The following SYN3 variants were observed in gnomAD, a reference collection of about 807,000 sequenced individuals.
SYN3 encodes the protein synapsin III, also known as synapsin-3.
A neutral mutation model predicts 65.8 loss-of-function variants in SYN3; 35 were observed. That is an observed-to-expected ratio of 0.53 (90% CI 0.41 to 0.70). The LOEUF is 0.70. Among genes scored for constraint, SYN3 ranks in the 30% least tolerant of loss-of-function variants. The pLI, the probability that SYN3 is intolerant of heterozygous loss-of-function variation, is 0.00. For synonymous variants in SYN3, 270 were observed against 292.9 expected, an observed-to-expected ratio of 0.92 and a Z score of 0.80; for missense variants, 680 against 749.0, an observed-to-expected ratio of 0.91 and a Z score of 1.08.
intron 6 of SYN3, among the ~76,000 whole-genome samples, chr22:32,624,921 G>A (rs148234922): frequency 8.5e-5 from 13 of 152,288 alleles, no homozygotes; most frequent in Admixed American, 2.0e-4. Context: ...AGTCAAATAA[G>A]CTGGTGACTG....
chr22:32,558,597 C>T (rs552114936), intron 7 of SYN3, among the ~76,000 whole-genome samples: 41 of 152,362 alleles, frequency 2.7e-4, no homozygotes, highest in African/African-American at 8.2e-4. Context: ...TTCCCCTCAT[C>T]TGGGTCTTCT....
chr22:32,582,944 T>C (rs1436718889), intron 7 of SYN3, among the ~76,000 whole-genome samples: 1 of 152,036 alleles, frequency 6.6e-6, no homozygotes, highest in Non-Finnish European at 1.5e-5. Flanking sequence ...TTTCTAGGAG[T>C]GTCATGACGT....
intron 8 of SYN3, among the ~76,000 whole-genome samples, chr22:32,540,438 C>A (rs530254056): frequency 2.6e-5 from 4 of 152,332 alleles, no homozygotes; most frequent in African/African-American, 9.6e-5. Context: ...GAGCCCTGCA[C>A]ACAGTCAGTG....
intron 2 of SYN3, among the ~76,000 whole-genome samples, chr22:33,003,575 C>G (rs565160463): frequency 6.6e-6 from 1 of 152,294 alleles, no homozygotes; most frequent in South Asian, 2.1e-4. Context: ...ATCTGTGGAA[C>G]TTTGAACTTG....
intron 6 of SYN3, among the ~76,000 whole-genome samples, chr22:32,803,163 T>TGC (rs375662365): frequency 3.9e-5 from 6 of 152,236 alleles, no homozygotes; most frequent in Middle Eastern, 6.8e-3. Context: ...TGTGTGTGTG[T>TGC]GCACTGGGCT....
intron 7 of SYN3, among the ~76,000 whole-genome samples, chr22:32,559,286 A>G (rs200233816): frequency 6.6e-6 from 1 of 152,296 alleles, no homozygotes; most frequent in East Asian, 1.9e-4. Context: ...TGTAGACACC[A>G]AGGAGACAAT....
intron 6 of SYN3, among the ~76,000 whole-genome samples, chr22:32,607,430 A>G (rs1024252320): frequency 1.3e-5 from 2 of 152,086 alleles, no homozygotes; most frequent in South Asian, 2.1e-4. Context: ...CAGGTGCCCA[A>G]GATAGAGATC....
rs1159900656 is a variant in SYN3 at position 32,864,711 on chromosome 22, C to T, written c.711+204G>A. The T allele has an allele frequency of 6.1e-6, 3 of 491,482 alleles. No individual in the cohort carries two copies. In the East Asian group the frequency reaches 9.7e-5, roughly 16 times the overall value. 30.4% of individuals were successfully genotyped at this position (491,482 alleles called of 1,614,324 possible). On this transcript the variant is annotated intron_variant, in intron 6 of 13. Transcript: ENST00000358763. ...GAATGTGGTTCACCTTTGTTATTTG[C>T]CCTATTGCCTGAATTTCACCTGGAG...
chr22:32,520,464 G>C (rs1200768180), intron 12 of SYN3, among the ~76,000 whole-genome samples: 1 of 152,120 alleles, frequency 6.6e-6, no homozygotes. Flanking sequence ...CTGAGACCCA[G>C]ATATATTGTG....
At chr22:32,686,599 T>C (rs2147135051) in intron 6 of SYN3, among the ~76,000 whole-genome samples, 1 of 141,856 alleles carries the variant, frequency 7.0e-6, no homozygotes, top group East Asian at 2.0e-4. Context: ...CATTTTTTTT[T>C]TTTTTTTTTT....
At chr22:32,532,442 G>A (rs1317725258) in intron 10 of SYN3, among the ~76,000 whole-genome samples, 1 of 152,414 alleles carries the variant, frequency 6.6e-6, no homozygotes, top group East Asian at 1.9e-4. Context: ...GGGGCTACTT[G>A]GGGAACTTCA....
intron 6 of SYN3, among the ~76,000 whole-genome samples, chr22:32,694,987 G>A (rs2060716369): frequency 1.3e-5 from 2 of 152,180 alleles, no homozygotes; most frequent in African/African-American, 4.8e-5. Flanking sequence ...AGAGAAGTTG[G>A]AGGCCAGCTT....
chr22:32,854,948 C>G (rs2048324591), intron 6 of SYN3, among the ~76,000 whole-genome samples: 1 of 152,166 alleles, frequency 6.6e-6, no homozygotes, highest in African/African-American at 2.4e-5. Flanking sequence ...AACCAGTCAC[C>G]ACTTAAAAGA....
At chr22:32,541,838 G>A in intron 7 of SYN3, 125 bp from the exon 8 acceptor site, 3 of 1,139,306 alleles carry the variant, frequency 2.6e-6, no homozygotes, top group Middle Eastern at 4.1e-4. Context: ...GCTGGCAGGG[G>A]AGACAGACAC....
intron 2 of SYN3, among the ~76,000 whole-genome samples, chr22:33,006,093 G>A (rs1418744770): frequency 2.0e-5 from 3 of 152,190 alleles, no homozygotes; most frequent in Admixed American, 2.0e-4. Context: ...TTTCCAGAGT[G>A]TGTTGGATTT....
chr22:32,706,427 C>T (rs34223312), intron 6 of SYN3, among the ~76,000 whole-genome samples: 12,192 of 152,162 alleles, frequency 0.08, 625 homozygotes, highest in Non-Finnish European at 0.1. Flanking sequence ...AGTGTTGATG[C>T]AGAAAATGCT....
At chr22:32,792,297 T>TG (rs1194135685) in intron 6 of SYN3, among the ~76,000 whole-genome samples, 3 of 152,340 alleles carry the variant, frequency 2.0e-5, no homozygotes, top group Admixed American at 6.5e-5. Context: ...ACCTCCCTGT[T>TG]GGGCTGCCTT....
intron 7 of SYN3, among the ~76,000 whole-genome samples, chr22:32,575,965 G>A (rs1208402509): frequency 6.6e-6 from 1 of 152,152 alleles, no homozygotes; most frequent in Non-Finnish European, 1.5e-5. Context: ...ACAGATGTGA[G>A]TACATTGAGA....
chr22:32,703,429 G>A (rs1351739839), intron 6 of SYN3, among the ~76,000 whole-genome samples: 1 of 152,118 alleles, frequency 6.6e-6, no homozygotes, highest in Non-Finnish European at 1.5e-5. Flanking sequence ...ATGAGGTCAG[G>A]AGACTGAGAC....
Sources: allele counts gnomAD v4.1 joint callset (sites outside exome capture counted in the v4.1 genomes callset), GRCh38; gene constraint gnomAD v4.1.1; transcripts MANE v1.5; gene names NCBI Gene and HGNC (gene_info 2026-07-23, HGNC 2026-07-21).